Variants in DPH6 observed in about 807,000 individuals in gnomAD.
The protein encoded by DPH6 is diphthine--ammonia ligase.
In DPH6, 33 loss-of-function variants were observed where a neutral mutation model predicts 38.2. The ratio of observed to expected loss-of-function variants is 0.86; its 90% CI spans 0.65 to 1.15. The LOEUF is 1.15. Ranked by LOEUF, DPH6 falls within the 50% of genes most tolerant of loss-of-function variation. DPH6 has a pLI of 0.00. For synonymous variants in DPH6, 108 were observed against 103.0 expected (o/e 1.05, Z -0.30); for missense variants, 325 against 320.0 (o/e 1.02, Z -0.12).
chr15:35,542,638 C>T, intron 1 of DPH6, 131 bp from the exon 2 acceptor site: 1 of 859,150 alleles, frequency 1.2e-6, no homozygotes, highest in Admixed American at 2.5e-5. Flanking sequence ...AAAAAAAACC[C>T]ATTAATTTCT....
intron 3 of DPH6, chr15:35,489,321 A>G: frequency 1.0e-6 from 1 of 985,166 alleles, no homozygotes. Context: ...AGCAGTGATG[A>G]GAAATAAGAA....
At chr15:35,510,791 G>A (rs1049058641) in intron 3 of DPH6, among the ~76,000 whole-genome samples, 1 of 152,200 alleles carries the variant, frequency 6.6e-6, no homozygotes, top group African/African-American at 2.4e-5. Flanking sequence ...AGCTATATGT[G>A]AGACCATCAC....
intron 3 of DPH6, among the ~76,000 whole-genome samples, chr15:35,303,436 T>C (rs962962132): frequency 6.6e-6 from 1 of 152,014 alleles, no homozygotes; most frequent in African/African-American, 2.4e-5. Context: ...ATATTACTGC[T>C]ACTGCCTTGT....
At chr15:35,151,087 A>T in the DPH6 span, among the ~76,000 whole-genome samples, 2 of 152,240 alleles carry the variant, frequency 1.3e-5, no homozygotes, top group Non-Finnish European at 2.9e-5. Context: ...GAAGTAAAAC[A>T]TGTAGGTAAC....
intron 7 of DPH6, 50 bp from the exon 8 acceptor site, chr15:35,373,658 C>A (rs78747508): frequency 1.6e-5 from 24 of 1,468,174 alleles, no homozygotes; most frequent in Non-Finnish European, 2.3e-5. Context: ...AAAATTGTGA[C>A]AAATCATTCC....
chr15:35,529,214 T>A (rs566302817), intron 3 of DPH6, among the ~76,000 whole-genome samples: 2 of 152,310 alleles, frequency 1.3e-5, no homozygotes, highest in South Asian at 4.1e-4. Context: ...CAGCTCAGGT[T>A]TGCAGGCTGT....
intron 3 of DPH6, among the ~76,000 whole-genome samples, chr15:35,533,110 A>G (rs549029874): frequency 2.0e-5 from 3 of 150,590 alleles, no homozygotes; most frequent in Admixed American, 6.6e-5. Flanking sequence ...TCAGTCTCGA[A>G]AAAAAAAAAA....
intron 3 of DPH6, among the ~76,000 whole-genome samples, chr15:35,504,134 T>C (rs1282630120): frequency 2.6e-5 from 4 of 152,014 alleles, no homozygotes; most frequent in African/African-American, 9.7e-5. Flanking sequence ...TACAAATCTA[T>C]CCATTTTGCT....
At chr15:35,197,678 T>A in the DPH6 span, among the ~76,000 whole-genome samples, 2 of 152,360 alleles carry the variant, frequency 1.3e-5, no homozygotes, top group Non-Finnish European at 2.9e-5. Context: ...TTAAGTCACA[T>A]CATCAGGCAG....
In DPH6 at chr15:35,511,848, A is replaced by G. The variant is rs185930719; in HGVS notation, c.312+26426T>C. Among the ~76,000 whole-genome samples the G allele has an allele frequency of 7.2e-5, 11 of 152,296 alleles. No individual in the cohort carries two copies. In the East Asian group the frequency reaches 2.1e-3, roughly 29 times the overall value. ...CAAGATGGTGATATATTATTTTGCA[A>G]AGTCTAAATAATGATTTAGTAATAA... On this transcript the variant is annotated intron_variant, in intron 3 of 8. Coordinates refer to ENST00000256538, the MANE Select transcript of DPH6 (RefSeq NM_080650.4).
At chr15:35,186,903 A>T in the DPH6 span, among the ~76,000 whole-genome samples, 21,369 of 152,214 alleles carry the variant, frequency 0.14, 2,776 homozygotes, top group African/African-American at 0.34. Context: ...AAAAATAGAA[A>T]TAAAAGATAA....
At chr15:35,463,272 T>C (rs2054087679) in intron 3 of DPH6, among the ~76,000 whole-genome samples, 1 of 152,142 alleles carries the variant, frequency 6.6e-6, no homozygotes, top group Non-Finnish European at 1.5e-5. Flanking sequence ...AATAATTTTG[T>C]AGTATGTATC....
intron 5 of DPH6, among the ~76,000 whole-genome samples, chr15:35,412,132 T>C (rs1264384056): frequency 6.6e-6 from 1 of 151,664 alleles, no homozygotes; most frequent in African/African-American, 2.4e-5. Context: ...ATCTAATATA[T>C]ACAAAGAACT....
chr15:35,282,753 T>G (rs764542541), intron 3 of DPH6: 2 of 358,252 alleles, frequency 5.6e-6, no homozygotes, highest in Non-Finnish European at 1.1e-5. Context: ...GCTGCCATTG[T>G]GGAGAAGTTG....
At chr15:35,230,381 G>A (rs1046069208) in intron 3 of DPH6, among the ~76,000 whole-genome samples, 1 of 152,106 alleles carries the variant, frequency 6.6e-6, no homozygotes, top group Non-Finnish European at 1.5e-5. Context: ...TTAGCTTGTG[G>A]TGAATGCTGC....
At chr15:35,355,161 C>A (rs1005409906) in intron 3 of DPH6, among the ~76,000 whole-genome samples, 1 of 151,752 alleles carries the variant, frequency 6.6e-6, no homozygotes, top group Admixed American at 6.6e-5. Context: ...CATCCGTTTA[C>A]TTTGAGCCTA....
At chr15:35,499,334 G>T (rs552446143) in intron 3 of DPH6, among the ~76,000 whole-genome samples, 1 of 151,924 alleles carries the variant, frequency 6.6e-6, no homozygotes, top group African/African-American at 2.4e-5. Flanking sequence ...TTCCCCCCAG[G>T]TTCTTTTTCT....
intron 6 of DPH6, among the ~76,000 whole-genome samples, chr15:35,385,962 C>A (rs904895425): frequency 1.6e-4 from 25 of 152,046 alleles, no homozygotes; most frequent in African/African-American, 5.8e-4. Context: ...CTTCATTTAG[C>A]ATTAGGTATA....
At chr15:35,329,347 CA>C (rs2052309541), downstream of DPH6, among the ~76,000 whole-genome samples, 1 of 152,068 alleles carries the variant, frequency 6.6e-6, no homozygotes, top group African/African-American at 2.4e-5. Context: ...AGAGAGGTGC[CA>C]GTTTTCAATA....
Sources: allele counts gnomAD v4.1 joint callset (sites outside exome capture counted in the v4.1 genomes callset), GRCh38; gene constraint gnomAD v4.1.1; transcripts MANE v1.5; gene names NCBI Gene and HGNC (gene_info 2026-07-23, HGNC 2026-07-21).